Variants in OTULIN observed in about 807,000 individuals in gnomAD.
The protein encoded by OTULIN is ubiquitin thioesterase otulin.
OTULIN carries 15 observed loss-of-function variants against 39.6 expected under a neutral mutation model. The observed-to-expected ratio is 0.38, with a 90% CI of 0.25 to 0.58. OTULIN has a LOEUF of 0.58. Ranked by LOEUF, OTULIN falls within the 20% of genes least tolerant of loss-of-function variation. The pLI, the probability that OTULIN is intolerant of heterozygous loss-of-function variation, is 0.66. For synonymous variants in OTULIN, 156 were observed against 170.3 expected, an observed-to-expected ratio of 0.92 and a Z score of 0.65; for missense variants, 319 against 445.9, an observed-to-expected ratio of 0.72 and a Z score of 2.56.
the OTULIN span, chr5:14,713,030 G>A: frequency 2.4e-5 from 36 of 1,516,150 alleles, no homozygotes; most frequent in South Asian, 3.5e-5. This position sits in a 1 kb window ranked among gnomAD's most constrained non-coding sequence, Gnocchi z 4.4. Flanking sequence ...AGGCACAACC[G>A]TCGATGCCAA....
At chr5:14,712,443 G>A in the OTULIN span, among the ~76,000 whole-genome samples, 7 of 152,190 alleles carry the variant, frequency 4.6e-5, no homozygotes, top group African/African-American at 7.2e-5. Flanking sequence ...TCTCTGCTCC[G>A]CCCATGACCA....
the OTULIN span, chr5:14,707,799 C>G: frequency 2.6e-5 from 4 of 152,284 alleles, no homozygotes; most frequent in Non-Finnish European, 5.9e-5. Context: ...AATCGGCTAT[C>G]CAGGACATTT....
chr5:14,709,918 A>AT, the OTULIN span: 1 of 152,422 alleles, frequency 6.6e-6, no homozygotes, highest in East Asian at 1.9e-4. Context: ...TCTTTAAAAT[A>AT]TTTTTTTTTT....
intron 1 of OTULIN, among the ~76,000 whole-genome samples, chr5:14,666,816 G>A (rs1253949585): frequency 1.3e-5 from 2 of 152,036 alleles, no homozygotes; most frequent in Non-Finnish European, 2.9e-5. Context: ...TTTCTGACTC[G>A]GCAGTATCTG....
chr5:14,713,392 C>T, the OTULIN span: 2 of 1,173,298 alleles, frequency 1.7e-6, no homozygotes, highest in South Asian at 2.7e-5. This position sits in a 1 kb window ranked among gnomAD's most constrained non-coding sequence, Gnocchi z 4.4. Context: ...AGAGCCTCCA[C>T]CTGGTGCCTG....
chr5:14,675,695 A>G (rs1736087532), intron 2 of OTULIN, among the ~76,000 whole-genome samples: 1 of 152,188 alleles, frequency 6.6e-6, no homozygotes, highest in African/African-American at 2.4e-5. Flanking sequence ...TGTAACTCCT[A>G]GCTTTAGTCT....
the OTULIN span, chr5:14,711,230 T>C: frequency 6.2e-7 from 1 of 1,614,038 alleles, no homozygotes; most frequent in African/African-American, 1.3e-5. Flanking sequence ...CCACGATGTC[T>C]GTCACCTCCT....
downstream of OTULIN, among the ~76,000 whole-genome samples, chr5:14,704,048 C>T (rs1736867358): frequency 6.6e-6 from 1 of 152,054 alleles, no homozygotes; most frequent in South Asian, 2.1e-4. Context: ...AAGAGTGATG[C>T]TGGCCGGGCG....
chr5:14,668,473 G>T (rs535043810), intron 1 of OTULIN, among the ~76,000 whole-genome samples: 1 of 152,228 alleles, frequency 6.6e-6, no homozygotes, highest in African/African-American at 2.4e-5. Flanking sequence ...TCTCTGAACC[G>T]CAAAGTGGTG....
chr5:14,682,721 ATTATTT>A (rs1164308221), intron 4 of OTULIN, among the ~76,000 whole-genome samples: 2 of 152,114 alleles, frequency 1.3e-5, no homozygotes, highest in African/African-American at 4.8e-5. Context: ...TTTTATTTTT[ATTATTT>A]TTATTTTTAT....
chr5:14,713,537 A>G, the OTULIN span: 2 of 1,614,066 alleles, frequency 1.2e-6, no homozygotes, highest in South Asian at 1.1e-5. This position sits in a 1 kb window ranked among gnomAD's most constrained non-coding sequence, Gnocchi z 4.4. Context: ...ACTCCCTGAC[A>G]ACATACCCCA....
intron 3 of OTULIN, among the ~76,000 whole-genome samples, chr5:14,680,366 A>G (rs1736214619): frequency 6.6e-6 from 1 of 152,166 alleles, no homozygotes; most frequent in Non-Finnish European, 1.5e-5. Flanking sequence ...ACAGCTAGTA[A>G]TGAGGTTCTA....
intron 4 of OTULIN, among the ~76,000 whole-genome samples, chr5:14,686,265 A>G (rs1736385594): frequency 6.6e-6 from 1 of 151,974 alleles, no homozygotes; most frequent in Non-Finnish European, 1.5e-5. Flanking sequence ...ATTTTATTTT[A>G]TGTATTTATT....
chr5:14,711,181 C>T, the OTULIN span: 2 of 1,596,830 alleles, frequency 1.3e-6, no homozygotes, highest in Non-Finnish European at 1.7e-6. Context: ...CTGCAGTGCC[C>T]ATGGCGTCCC....
chr5:14,687,581 T>A lies in OTULIN; in HGVS notation c.529T>A (p.Phe177Ile). 1 of 1,614,052 alleles carries A rather than the reference T, an allele frequency of 6.2e-7. No homozygotes were observed. The highest frequency in any genetic ancestry group is 2.2e-5 in the East Asian group (1 of 44,866). ...CAAGCAATGGAAACTTGGACTGAAA[T>A]TTGATGGGAAGAATGAGGACCTGGT... Reference protein sequence around the residue: ...WIKQWKLGLKFDGKNEDLVDK... With the variant: ...WIKQWKLGLKIDGKNEDLVDK... Residue 177 changes from phenylalanine to isoleucine, a missense_variant, in exon 5 of 7, where the codon TTT becomes ATT. This residue lies in a region of OTULIN where 54 missense variants were observed against 50.7 expected (regional missense o/e 1.07). Transcript: ENST00000284274.
intron 1 of OTULIN, among the ~76,000 whole-genome samples, chr5:14,665,400 C>G (rs886948369): frequency 6.6e-6 from 1 of 152,232 alleles, no homozygotes; most frequent in Non-Finnish European, 1.5e-5. Context: ...AGGCGACGTC[C>G]CACCTGTTGG....
intron 4 of OTULIN, among the ~76,000 whole-genome samples, chr5:14,683,327 A>G: frequency 6.6e-6 from 1 of 152,224 alleles, no homozygotes; most frequent in East Asian, 1.9e-4. Flanking sequence ...TGCCATCTTA[A>G]GCCGATTTTT....
intron 5 of OTULIN, among the ~76,000 whole-genome samples, chr5:14,689,283 A>G (rs1271104726): frequency 1.3e-5 from 2 of 152,248 alleles, no homozygotes; most frequent in Non-Finnish European, 2.9e-5. Context: ...AATTGTATGC[A>G]GTCATTACCA....
chr5:14,682,352 A>G (rs114046890), intron 4 of OTULIN, among the ~76,000 whole-genome samples: 1,628 of 152,320 alleles, frequency 0.011, 37 homozygotes, highest in African/African-American at 0.037. Flanking sequence ...GGCCACAGCC[A>G]CCCAATCTTC....
Sources: allele counts gnomAD v4.1 joint callset (sites outside exome capture counted in the v4.1 genomes callset), GRCh38; gene constraint gnomAD v4.1.1; regional missense constraint gnomAD v4.1.1; non-coding constraint Gnocchi (gnomAD v3.1); transcripts MANE v1.5; gene names NCBI Gene and HGNC (gene_info 2026-07-23, HGNC 2026-07-21).